The following RNF157 variants were observed in gnomAD, a reference collection of about 807,000 sequenced individuals.
RNF157 encodes E3 ubiquitin ligase RNF157.
Under a neutral mutation model 88.3 loss-of-function variants are expected in RNF157, and 55 were observed. The ratio of observed to expected loss-of-function variants is 0.62; its 90% CI spans 0.50 to 0.78. The LOEUF (loss-of-function observed/expected upper bound fraction) is 0.78, where lower values mean the gene tolerates loss of function less well. Among genes scored for constraint, RNF157 ranks in the 30% least tolerant of loss-of-function variants. RNF157 has a pLI of 0.00. For synonymous variants in RNF157, 334 were observed against 341.2 expected, an observed-to-expected ratio of 0.98 and a Z score of 0.23; for missense variants, 788 against 860.8, an observed-to-expected ratio of 0.92 and a Z score of 1.06.
At chr17:76,212,341 G>A (rs762540592) in intron 2 of RNF157, 23 bp downstream of exon 2, 2 of 1,484,602 alleles carry the variant, frequency 1.3e-6, no homozygotes, top group South Asian at 2.3e-5. Context: ...CTCCAAGTAG[G>A]AGTAAACTGA....
At chr17:76,192,000 T>C (rs1179627251) in intron 2 of RNF157, among the ~76,000 whole-genome samples, 1 of 152,234 alleles carries the variant, frequency 6.6e-6, no homozygotes, top group African/African-American at 2.4e-5. Context: ...AAGGCCACTA[T>C]GCATCTCTTT....
At chr17:76,169,177 G>A (rs1433397806) in intron 3 of RNF157, among the ~76,000 whole-genome samples, 1 of 152,038 alleles carries the variant, frequency 6.6e-6, no homozygotes, top group Non-Finnish European at 1.5e-5. Context: ...TATTACTTGC[G>A]TCTTTCTTCT....
At chr17:76,211,364 C>G (rs2069796937) in intron 2 of RNF157, among the ~76,000 whole-genome samples, 1 of 152,252 alleles carries the variant, frequency 6.6e-6, no homozygotes, top group Admixed American at 6.5e-5. Flanking sequence ...ACTGAAGCAA[C>G]CTGCCCTTGC....
rs2068760332 is a variant in RNF157, at chr17:76,156,195, C to G, written c.1525+15G>C. ...AGGGGGAAGGACATGCAGCCACTCCCCGCTCCTTATGTACCTTCTGGGGAG... is the reference window on the plus strand; with the variant it reads ...AGGGGGAAGGACATGCAGCCACTCCGCGCTCCTTATGTACCTTCTGGGGAG... On this transcript the variant is annotated intron_variant, in intron 14 of 18. Transcript: ENST00000269391. 1 of 1,601,038 alleles carries G rather than the reference C, an allele frequency of 6.2e-7. No homozygotes were observed. Among genetic ancestry groups the G allele is most frequent in the Non-Finnish European group, 8.6e-7 (1 of 1,168,290 alleles).
intron 1 of RNF157, among the ~76,000 whole-genome samples, chr17:76,227,817 C>T (rs962722278): frequency 1.3e-5 from 2 of 152,002 alleles, no homozygotes; most frequent in East Asian, 1.9e-4. Context: ...GCAGAGGTTG[C>T]GGTGAGCCAA....
At chr17:76,183,283 C>T (rs2069228710) in intron 2 of RNF157, among the ~76,000 whole-genome samples, 1 of 152,032 alleles carries the variant, frequency 6.6e-6, no homozygotes, top group African/African-American at 2.4e-5. Context: ...GGCCCTGTCA[C>T]TAGAATTCTG....
chr17:76,165,392 A>G, intron 7 of RNF157, 110 bp downstream of exon 7: 2 of 1,112,366 alleles, frequency 1.8e-6, no homozygotes, highest in South Asian at 1.3e-5. Context: ...TATAGCCTCT[A>G]AAGCCAGACC....
intron 2 of RNF157, among the ~76,000 whole-genome samples, chr17:76,178,986 C>T (rs184748824): frequency 1.1e-4 from 17 of 152,292 alleles, no homozygotes; most frequent in African/African-American, 1.7e-4. Context: ...TCTGAAGACA[C>T]AAATTTATTT....
chr17:76,151,683 G>A (rs1174648446), intron 18 of RNF157, among the ~76,000 whole-genome samples: 2 of 152,200 alleles, frequency 1.3e-5, no homozygotes, highest in Admixed American at 6.5e-5. Context: ...ACATGATCCT[G>A]TGTAAGGCAT....
chr17:76,209,651 A>C (rs80021847), intron 2 of RNF157, among the ~76,000 whole-genome samples: 1 of 152,170 alleles, frequency 6.6e-6, no homozygotes, highest in Non-Finnish European at 1.5e-5. Flanking sequence ...AAAGGCCAAA[A>C]TTTTTTTAAA....
Position 76,152,475 on chromosome 17 carries a change from A to G in RNF157, c.1811-10T>C. 6.5e-7 allele frequency: 1 copy of G among 1,543,448 alleles called. No individual in the cohort carries two copies. The highest frequency in any genetic ancestry group is 1.1e-5 in the South Asian group (1 of 89,638). On this transcript the variant is annotated splice_polypyrimidine_tract_variant and intron_variant, in intron 17 of 18. Coordinates refer to ENST00000269391, the MANE Select transcript of RNF157 (RefSeq NM_052916.3). ...GCGCACGTCCTCTGGCCTGTAACGG[A>G]GTTAATGCAGTTAGAGAGGGGCTGG...
intron 2 of RNF157, among the ~76,000 whole-genome samples, chr17:76,200,009 G>A (rs909787042): frequency 1.3e-5 from 2 of 152,008 alleles, no homozygotes; most frequent in African/African-American, 2.4e-5. Context: ...AGGCCGAGGC[G>A]GGCGGATCAC....
chr17:76,185,851 T>C (rs2069278475), intron 2 of RNF157, among the ~76,000 whole-genome samples: 1 of 152,252 alleles, frequency 6.6e-6, no homozygotes, highest in Non-Finnish European at 1.5e-5. Context: ...ATAAACCAGC[T>C]CACAAATTAG....
At chr17:76,194,382 T>C (rs191120752) in intron 2 of RNF157, among the ~76,000 whole-genome samples, 7 of 152,300 alleles carry the variant, frequency 4.6e-5, no homozygotes, top group East Asian at 1.9e-4. Flanking sequence ...TCAGCCACCA[T>C]AGGAGACTTT....
intron 2 of RNF157, among the ~76,000 whole-genome samples, chr17:76,199,022 C>T (rs2069525647): frequency 1.3e-5 from 2 of 152,166 alleles, no homozygotes; most frequent in South Asian, 2.1e-4. Flanking sequence ...TGCATTTCAT[C>T]GGTATTTCTA....
At chr17:76,147,159 T>TAC (rs768419137) in intron 18 of RNF157, 204 of 984,876 alleles carry the variant, frequency 2.1e-4, no homozygotes, top group Non-Finnish European at 2.3e-4. Context: ...GCACTATGTG[T>TAC]CTAAGTGTGG....
chr17:76,205,133 CTTTT>C (rs766237504), intron 2 of RNF157, among the ~76,000 whole-genome samples: 3 of 150,702 alleles, frequency 2.0e-5, no homozygotes, highest in Non-Finnish European at 4.4e-5. Flanking sequence ...CTTTTCTTTT[CTTTT>C]TTTCTTTCTT....
chr17:76,226,562 G>A, intron 1 of RNF157: 1 of 1,613,514 alleles, frequency 6.2e-7, no homozygotes. Context: ...CATCCAATGT[G>A]TCCCAGAGAA....
chr17:76,158,494 A>G lies in RNF157; in HGVS notation c.1312T>C (p.Ser438Pro), dbSNP rs1200512460. The G allele has an allele frequency of 6.2e-7, 1 of 1,612,420 alleles. No individual in the cohort carries two copies. The highest frequency in any genetic ancestry group is 1.7e-5 in the Admixed American group (1 of 60,018). Reference protein sequence around the residue: ...KLKKSLSKSTSQNSSVLHEEE... With the variant: ...KLKKSLSKSTPQNSSVLHEEE... The stretch of plus-strand genomic sequence containing the variant: ...TCATGCAGCACGGAAGAGTTTTGGG[A>G]AGTGGATCTGTAGGAGTCCAGTGGA... The change falls in exon 13 of 19, where the codon TCC becomes CCC. Residue 438 changes from serine to proline, a missense_variant. Physicochemically the swap from Ser to Pro is moderately conservative, Grantham distance 74. Transcript: ENST00000269391.
Sources: gnomAD v4.1 joint callset for allele counts (sites outside exome capture counted in the v4.1 genomes callset) on GRCh38, gnomAD v4.1.1 for gene constraint, MANE v1.5 for transcripts, NCBI Gene and HGNC (gene_info 2026-07-23, HGNC 2026-07-21) for gene names.